PPP1R12B: variants seen among roughly 807,000 people sequenced by gnomAD.
The protein encoded by PPP1R12B is myosin phosphatase target subunit 2.
In PPP1R12B, 76 loss-of-function variants were observed where a neutral mutation model predicts 126.1. The ratio of observed to expected loss-of-function variants is 0.60; its 90% CI spans 0.50 to 0.73. The LOEUF (loss-of-function observed/expected upper bound fraction) is 0.73. PPP1R12B is among the 30% of genes least tolerant of loss of function. The pLI is 0.00. For synonymous variants in PPP1R12B, 356 were observed against 434.7 expected (o/e 0.82, Z 2.25); for missense variants, 1,052 against 1,205.1 (o/e 0.87, Z 1.88).
At chr1:202,405,183 C>G (rs1666424254) in intron 1 of PPP1R12B, among the ~76,000 whole-genome samples, 1 of 152,110 alleles carries the variant, frequency 6.6e-6, no homozygotes, top group South Asian at 2.1e-4. Context: ...AACAATTAGA[C>G]TTGATGGACC....
At chr1:202,538,761 A>T (rs1684807845) in intron 18 of PPP1R12B, among the ~76,000 whole-genome samples, 1 of 152,230 alleles carries the variant, frequency 6.6e-6, no homozygotes. Context: ...TTCCAGGTCA[A>T]ATCCAAAATC....
intron 1 of PPP1R12B, among the ~76,000 whole-genome samples, chr1:202,351,944 A>T (rs989536344): frequency 1.3e-5 from 2 of 152,204 alleles, no homozygotes; most frequent in African/African-American, 4.8e-5. Flanking sequence ...GAGGTGCTTG[A>T]GTCAAAGATA....
chr1:202,468,332 T>C (rs549811785), intron 13 of PPP1R12B, among the ~76,000 whole-genome samples: 45 of 152,310 alleles, frequency 3.0e-4, no homozygotes, highest in Non-Finnish European at 5.4e-4. Context: ...TGCCTAGGTT[T>C]TCTTCTAGGG....
intron 22 of PPP1R12B, among the ~76,000 whole-genome samples, chr1:202,568,519 C>G (rs1321584435): frequency 6.6e-6 from 1 of 152,194 alleles, no homozygotes; most frequent in East Asian, 1.9e-4. Flanking sequence ...CTAAGTTTTA[C>G]ATTTTATTCC....
At chr1:202,364,045 C>T (rs1401624156) in intron 1 of PPP1R12B, among the ~76,000 whole-genome samples, 1 of 152,114 alleles carries the variant, frequency 6.6e-6, no homozygotes, top group African/African-American at 2.4e-5. Flanking sequence ...CAGGTGTGAG[C>T]CACCATGCCT....
rs1009021596 is a variant in PPP1R12B at position 202,562,926 on chromosome 1, G to A, written c.2652+4G>A. On this transcript the variant is annotated splice_donor_region_variant and intron_variant, in intron 20 of 23. Coordinates refer to ENST00000608999, the MANE Select transcript of PPP1R12B (RefSeq NM_002481.4). ...CAGCAACAGAGATTATAAAAAAGTA[G>A]GGTCTTTATTCAATTTTCCGGTTCT... is the stretch of plus-strand genomic sequence containing the variant. 5 of 1,558,892 alleles carry A rather than the reference G, an allele frequency of 3.2e-6. No homozygotes were observed. The highest frequency in any genetic ancestry group is 1.4e-5 in the African/African-American group (1 of 72,272).
chr1:202,408,843 C>CTTTTT (rs35632865), intron 1 of PPP1R12B, among the ~76,000 whole-genome samples: 24 of 113,326 alleles, frequency 2.1e-4, no homozygotes, highest in South Asian at 3.3e-4. Context: ...TTATTTCTTT[C>CTTTTT]TTTTTTTTTT....
intron 13 of PPP1R12B, among the ~76,000 whole-genome samples, chr1:202,470,120 C>G (rs1675635561): frequency 6.6e-6 from 1 of 152,192 alleles, no homozygotes; most frequent in South Asian, 2.1e-4. Context: ...GTCTGTGAAT[C>G]TACTGGTCGT....
chr1:202,496,454 GA>G (rs1047479084), intron 17 of PPP1R12B, among the ~76,000 whole-genome samples: 2 of 152,162 alleles, frequency 1.3e-5, no homozygotes, highest in African/African-American at 4.8e-5. Context: ...TTATTTTTTA[GA>G]TAAAAATATT....
At chr1:202,529,275 A>G (rs1252274229) in intron 18 of PPP1R12B, among the ~76,000 whole-genome samples, 1 of 151,750 alleles carries the variant, frequency 6.6e-6, no homozygotes, top group Non-Finnish European at 1.5e-5. Flanking sequence ...AGAGTCTTTC[A>G]TATACTCTTC....
chr1:202,405,537 A>G (rs1272194971), intron 1 of PPP1R12B, among the ~76,000 whole-genome samples: 2 of 152,228 alleles, frequency 1.3e-5, no homozygotes, highest in African/African-American at 2.4e-5. Context: ...CTAACACGTA[A>G]CATTTAACTG....
chr1:202,446,256 A>ATATATATATATTT (rs376183502), intron 12 of PPP1R12B, among the ~76,000 whole-genome samples: 29 of 54,310 alleles, frequency 5.3e-4, no homozygotes, highest in Middle Eastern at 0.014. Flanking sequence ...ATATATATAT[A>ATATATATATATTT]TTTTTTTTTT....
At chr1:202,492,100 C>G (rs533811798) in intron 14 of PPP1R12B, among the ~76,000 whole-genome samples, 132 of 152,270 alleles carry the variant, frequency 8.7e-4, no homozygotes, top group African/African-American at 3.1e-3. Flanking sequence ...TCTCCCTCCC[C>G]CTACCCAAGT....
Position 202,415,176 on chromosome 1 carries a change from AC to A in PPP1R12B, c.292-1610del, listed in dbSNP as rs578176672. Among the ~76,000 whole-genome samples the A allele has an allele frequency of 4.7e-3, 711 of 152,312 alleles. 9 individuals are homozygous for A. The highest frequency in any genetic ancestry group is 7.7e-3 in the Non-Finnish European group (526 of 68,038). ...TTTCTCACACAGAATATTAAAAAAA[AC>A]ATTTCTACTACTTCTTCAAGGTTAT... On this transcript the variant is annotated intron_variant, in intron 1 of 23. Transcript: ENST00000608999.
At chr1:202,424,962 T>C (rs2148644647) in intron 3 of PPP1R12B, among the ~76,000 whole-genome samples, 1 of 152,280 alleles carries the variant, frequency 6.6e-6, no homozygotes, top group South Asian at 2.1e-4. Flanking sequence ...ACTTTAGAGA[T>C]AGTTCAATTT....
chr1:202,364,466 A>G (rs914043099), intron 1 of PPP1R12B, among the ~76,000 whole-genome samples: 7 of 152,224 alleles, frequency 4.6e-5, no homozygotes, highest in Admixed American at 4.6e-4. Flanking sequence ...TTACTCTGTC[A>G]CCCAGGTAAG....
chr1:202,353,717 C>G (rs1237274190), intron 1 of PPP1R12B, among the ~76,000 whole-genome samples: 1 of 151,420 alleles, frequency 6.6e-6, no homozygotes, highest in Non-Finnish European at 1.5e-5. Flanking sequence ...TCAAGTGATC[C>G]TCCCCACCTC....
intron 13 of PPP1R12B, among the ~76,000 whole-genome samples, chr1:202,485,333 T>C (rs190475559): frequency 1.4e-5 from 2 of 146,408 alleles, no homozygotes; most frequent in East Asian, 4.0e-4. Flanking sequence ...ATTCCTGTAC[T>C]GGACTACAGG....
At position 202,475,777 on chromosome 1, in the gene PPP1R12B, C is replaced by T. The variant is rs556473112; in HGVS notation, c.1851-12756C>T. ...TCTGTAGGCATAGGTCTGTGATTCC[C>T]GTGATCCCCCTAAGTCTGTCCCCCT... On this transcript the variant is annotated intron_variant, in intron 13 of 23. Coordinates refer to ENST00000608999, the MANE Select transcript of PPP1R12B (RefSeq NM_002481.4). Among the ~76,000 whole-genome samples the T allele has an allele frequency of 1.4e-4, 22 of 152,224 alleles. No individual in the cohort carries two copies. The South Asian group carries it at 3.9e-3, about 27-fold the overall frequency.
Sources: allele counts gnomAD v4.1 joint callset (sites outside exome capture counted in the v4.1 genomes callset), GRCh38; gene constraint gnomAD v4.1.1; transcripts MANE v1.5; gene names NCBI Gene and HGNC (gene_info 2026-07-23, HGNC 2026-07-21).